Variants in TLE4 observed in about 807,000 individuals in gnomAD.
The protein encoded by TLE4 is TLE family member 4, transcriptional corepressor, also known as transducin-like enhancer protein 4.
A neutral mutation model predicts 92.8 loss-of-function variants in TLE4; 8 were observed. That is an observed-to-expected ratio of 0.09 (90% CI 0.05 to 0.16). The LOEUF (loss-of-function observed/expected upper bound fraction) is 0.16. Among genes scored for constraint, TLE4 ranks in the 10% least tolerant of loss-of-function variants. The pLI, the probability that TLE4 is intolerant of heterozygous loss-of-function variation, is 1.00. For synonymous variants in TLE4, 371 were observed against 374.1 expected (o/e 0.99, Z 0.10); for missense variants, 675 against 997.6 (o/e 0.68, Z 4.36).
chr9:79,573,174 G>A, intron 1 of TLE4: 1 of 912,142 alleles, frequency 1.1e-6, no homozygotes, highest in Non-Finnish European at 1.3e-6. Flanking sequence ...GGGCGGGGAG[G>A]GCGCCCTCGG....
At chr9:79,603,882 A>G (rs929467503) in intron 4 of TLE4, among the ~76,000 whole-genome samples, 3 of 152,060 alleles carry the variant, frequency 2.0e-5, no homozygotes, top group Admixed American at 1.3e-4. Flanking sequence ...GAACCTTACT[A>G]CTAGGGGTCT....
At chr9:79,576,210 C>T (rs372824555) in intron 4 of TLE4, 33 bp downstream of exon 4, 63 of 1,450,792 alleles carry the variant, frequency 4.3e-5, no homozygotes, top group Non-Finnish European at 5.6e-5. Flanking sequence ...TTTTAAATGA[C>T]AGTAATACTG....
At chr9:79,668,743 C>A in intron 8 of TLE4, 1 of 670,260 alleles carries the variant, frequency 1.5e-6, no homozygotes, top group Non-Finnish European at 1.7e-6. Flanking sequence ...AATAGTATAG[C>A]TAGCAAATGG....
In TLE4 at chr9:79,725,102, C is replaced by T. The variant is rs1178487330; in HGVS notation, c.2280C>T (p.Gly760=). ...ISVDDKYIVT[G]SGDKKATVYE... is the part of the protein sequence containing the mutation. ...TGGACGACAAATACATTGTCACTGG[C>T]TCTGGGGATAAGAAGGCCACAGTTT... Residue 760 remains glycine, a synonymous_variant, in exon 20 of 20, where the codon GGC becomes GGT. Transcript: ENST00000376552. The T allele has an allele frequency of 6.2e-7, 1 of 1,613,902 alleles. No homozygotes were observed. The highest frequency in any genetic ancestry group is 2.2e-5 in the East Asian group (1 of 44,858).
rs562926699 is a variant in TLE4 at position 79,661,340 on chromosome 9, T to C, written c.609+7265T>C. On this transcript the variant is annotated intron_variant, in intron 8 of 19. Transcript: ENST00000376552. ...TTCTTGAATTATTTCTGCAACACTTTCCTCTGTCCAACTTATGTATTTTGT... is the reference window on the plus strand; with the variant it reads ...TTCTTGAATTATTTCTGCAACACTTCCCTCTGTCCAACTTATGTATTTTGT... 3.3e-5 allele frequency among the ~76,000 whole-genome samples: 5 copies of C among 152,328 alleles called. No homozygotes were observed. In the East Asian group the frequency reaches 9.6e-4, roughly 29 times the overall value.
intron 5 of TLE4, among the ~76,000 whole-genome samples, chr9:79,622,927 A>G (rs2051405121): frequency 6.6e-6 from 1 of 152,062 alleles, no homozygotes. Context: ...CATGTTGGAG[A>G]CTTTAATTAA....
At chr9:79,691,355 G>T (rs572321484) in intron 8 of TLE4, among the ~76,000 whole-genome samples, 5 of 152,302 alleles carry the variant, frequency 3.3e-5, no homozygotes, top group South Asian at 2.1e-4. Context: ...GGTTTATATT[G>T]TACACTTAGT....
intron 4 of TLE4, among the ~76,000 whole-genome samples, chr9:79,587,772 G>C (rs1008624736): frequency 5.9e-5 from 9 of 152,294 alleles, no homozygotes; most frequent in Admixed American, 3.9e-4. Context: ...GAGCACATCA[G>C]TAAGTACATA....
Position 79,709,530 on chromosome 9 carries a change from A to G in TLE4, c.1264-93A>G, listed in dbSNP as rs1208358454. 12 of 1,063,140 alleles carry G rather than the reference A, an allele frequency of 1.1e-5. No homozygotes were observed. In the East Asian group the frequency reaches 1.5e-4, roughly 13 times the overall value. 65.9% of individuals were successfully genotyped at this position (1,063,140 alleles called of 1,614,324 possible). A position where few individuals can be genotyped will look rare whatever the true frequency, so the allele number is the denominator to read the frequency against. On this transcript the variant is annotated intron_variant, in intron 13 of 19. Transcript: ENST00000376552. The stretch of plus-strand genomic sequence containing the variant: ...CTAAAACCTTATTTTTAAAGGATCT[A>G]TTCTCCCAGGTTTTAGAATAGATTT...
intron 6 of TLE4, among the ~76,000 whole-genome samples, chr9:79,647,621 G>A (rs1353933800): frequency 6.6e-6 from 1 of 152,088 alleles, no homozygotes; most frequent in Non-Finnish European, 1.5e-5. Flanking sequence ...GAATTCATCA[G>A]TGTATAAAAT....
intron 8 of TLE4, among the ~76,000 whole-genome samples, chr9:79,676,147 T>G (rs940207188): frequency 6.6e-6 from 1 of 152,198 alleles, no homozygotes; most frequent in Non-Finnish European, 1.5e-5. Flanking sequence ...CCATATTTGA[T>G]GATCTGTTAA....
chr9:79,638,925 C>G (rs75430097), intron 6 of TLE4, among the ~76,000 whole-genome samples: 29 of 152,200 alleles, frequency 1.9e-4, no homozygotes, highest in African/African-American at 7.0e-4. Context: ...AGAGGCTACC[C>G]TCTGCTATCA....
rs899347568 is a variant in TLE4 at position 79,617,251 on chromosome 9, AT to A, written c.315+4546del. 3.3e-3 allele frequency among the ~76,000 whole-genome samples: 480 copies of A among 146,500 alleles called. 1 individual carries two copies. The highest frequency in any genetic ancestry group is 5.0e-3 in the Admixed American group (73 of 14,680). ...CAGGTTATCTTTCAGGAGGAAGGGA[AT>A]TTTTTTTTTTTTAAGTAAACCAGTA... On this transcript the variant is annotated intron_variant, in intron 5 of 19. Transcript: ENST00000376552.
chr9:79,724,305 G>A (rs1251964921), intron 19 of TLE4, among the ~76,000 whole-genome samples: 4 of 152,002 alleles, frequency 2.6e-5, no homozygotes, highest in Non-Finnish European at 5.9e-5. Flanking sequence ...GTGCAGACAG[G>A]TTAAGTGACC....
At chr9:79,659,197 AC>A (rs1188187767) in intron 8 of TLE4, among the ~76,000 whole-genome samples, 1 of 152,226 alleles carries the variant, frequency 6.6e-6, no homozygotes, top group East Asian at 1.9e-4. Flanking sequence ...TCTTTGGGTA[AC>A]CCAGTTTCAT....
intron 4 of TLE4, among the ~76,000 whole-genome samples, chr9:79,594,595 C>T (rs766199793): frequency 6.6e-6 from 1 of 152,014 alleles, no homozygotes; most frequent in Non-Finnish European, 1.5e-5. Flanking sequence ...CTTTAGACAG[C>T]CTGACAGCTC....
chr9:79,574,915 G>C lies in TLE4; in HGVS notation c.186G>C (p.Glu62Asp). 1 of 1,613,618 alleles carries C rather than the reference G, an allele frequency of 6.2e-7. No individual in the cohort carries two copies. The highest frequency in any genetic ancestry group is 8.5e-7 in the Non-Finnish European group (1 of 1,179,676). ...ECEKLASEKT[E>D]MQRHYVMYYE... ...AGAAACTCGCCAGTGAGAAGACAGA[G>C]ATGCAGCGGCATTATGTCATGGTAA... is the stretch of plus-strand genomic sequence containing the variant. The change falls in exon 3 of 20, where the codon GAG becomes GAC. Residue 62 changes from glutamate (E) to aspartate (D), a missense_variant. Glu to Asp is a conservative substitution (Grantham distance 45, BLOSUM62 2). Transcript: ENST00000376552.
intron 14 of TLE4, among the ~76,000 whole-genome samples, chr9:79,717,155 A>T (rs2074661190): frequency 6.6e-6 from 1 of 152,144 alleles, no homozygotes; most frequent in African/African-American, 2.4e-5. Flanking sequence ...TTTATGGATG[A>T]TATCTAACCT....
At chr9:79,623,696 A>AG (rs1410997506) in intron 5 of TLE4, among the ~76,000 whole-genome samples, 7 of 109,800 alleles carry the variant, frequency 6.4e-5, no homozygotes, top group East Asian at 3.1e-4. Context: ...CCACAATCTA[A>AG]GGGTTTTTTT....
Sources: gnomAD v4.1 joint callset for allele counts (sites outside exome capture counted in the v4.1 genomes callset) on GRCh38, gnomAD v4.1.1 for gene constraint, MANE v1.5 for transcripts, NCBI Gene and HGNC (gene_info 2026-07-23, HGNC 2026-07-21) for gene names.